MN1: variants seen among roughly 807,000 people sequenced by gnomAD.
MN1 encodes MN1 proto-oncogene, transcriptional regulator.
A neutral mutation model predicts 86.9 loss-of-function variants in MN1; 19 were observed. The observed-to-expected ratio is 0.22, with a 90% confidence interval of 0.15 to 0.32. The LOEUF (loss-of-function observed/expected upper bound fraction) is 0.32. Ranked by LOEUF, MN1 falls within the 10% of genes least tolerant of loss-of-function variation. The pLI is 1.00. For synonymous variants in MN1, 928 were observed against 849.6 expected (o/e 1.09, Z -1.60); for missense variants, 1,841 against 1,862.0 (o/e 0.99, Z 0.21).
At chr22:27,763,971 C>A (rs3819656) in intron 1 of MN1, among the ~76,000 whole-genome samples, 13 of 152,132 alleles carry the variant, frequency 8.5e-5, no homozygotes, top group Admixed American at 8.5e-4. Flanking sequence ...GAGAGGAGCA[C>A]GCCAAACCCA....
intron 1 of MN1, among the ~76,000 whole-genome samples, chr22:27,760,849 G>A (rs958675442): frequency 6.6e-6 from 1 of 152,212 alleles, no homozygotes; most frequent in Non-Finnish European, 1.5e-5. Flanking sequence ...GCAGACCACT[G>A]TCTCTATGCG....
At chr22:27,756,095 C>A (rs1932800522) in intron 1 of MN1, among the ~76,000 whole-genome samples, 1 of 152,212 alleles carries the variant, frequency 6.6e-6, no homozygotes, top group Non-Finnish European at 1.5e-5. Context: ...GTTGGCCAGC[C>A]TGCAGGTGAC....
At chr22:27,753,878 CA>C (rs1459653960) in intron 1 of MN1, among the ~76,000 whole-genome samples, 1 of 152,236 alleles carries the variant, frequency 6.6e-6, no homozygotes, top group East Asian at 1.9e-4. Context: ...TTAATATCTC[CA>C]AAGGAATTTT....
intron 1 of MN1, among the ~76,000 whole-genome samples, chr22:27,758,516 G>A (rs1832084329): frequency 2.6e-5 from 4 of 152,150 alleles, no homozygotes; most frequent in Admixed American, 2.6e-4. Context: ...TCTTGCTCTG[G>A]CAGAGGGGTG....
intron 1 of MN1, chr22:27,791,618 T>C (rs2146312275): frequency 6.6e-6 from 1 of 152,262 alleles, no homozygotes; most frequent in South Asian, 2.1e-4. Flanking sequence ...TTGGTGTTTT[T>C]ATGTTGCGGT....
In MN1 at chr22:27,799,480, T is replaced by G; in HGVS notation, c.1064A>C (p.Gln355Pro). ...CGGCGGCGGCTGCTGCTGTGGCGGC[T>G]GCTGCGGGGGCTGCTGCTGAGGGGG... is the stretch of plus-strand genomic sequence containing the variant. ...PPPPQQQPPQ[Q>P]PPQQQPPPPP... The change falls in exon 1 of 2, where the codon CAG becomes CCG. Residue 355 changes from glutamine (Q) to proline (P), a missense_variant. Transcript: ENST00000302326. 2.1e-6 allele frequency: 3 copies of G among 1,453,642 alleles called. No homozygotes were observed. Among genetic ancestry groups the G allele is most frequent in the South Asian group, 1.5e-5 (1 of 68,130 alleles). The allele number at this position is 1,453,642 out of a possible 1,614,324, so 90.0% of individuals were successfully genotyped here.
chr22:27,788,619 CTT>C (rs202009006), intron 1 of MN1, among the ~76,000 whole-genome samples: 30 of 142,824 alleles, frequency 2.1e-4, no homozygotes, highest in African/African-American at 2.3e-4. Flanking sequence ...AGGGTCATAT[CTT>C]TTTTTTTTTT....
At position 27,798,349 on chromosome 22, in the gene MN1, G is replaced by C; in HGVS notation, c.2195C>G (p.Pro732Arg). ...GAGCGCAGACGTAGCAAAGTCCGGC[G>C]GCGGGGGCCGGCGCTCCGAAGCAGC... Reference protein sequence around the residue: ...PSAASERRPPPPDFATSALGG... With the variant: ...PSAASERRPPRPDFATSALGG... The change falls in exon 1 of 2, where the codon CCG becomes CGG. Residue 732 changes from proline (P) to arginine (R), a missense_variant. By Grantham distance (103) the Pro-to-Arg change is moderately radical (BLOSUM62 -2). Coordinates refer to ENST00000302326, the MANE Select transcript of MN1 (RefSeq NM_002430.3). The C allele has an allele frequency of 7.3e-6, 11 of 1,505,366 alleles. No homozygotes were observed. The highest frequency in any genetic ancestry group is 9.7e-6 in the Non-Finnish European group (11 of 1,136,430). The allele number at this position is 1,505,366 out of a possible 1,614,324, so 93.3% of individuals were successfully genotyped here.
intron 1 of MN1, among the ~76,000 whole-genome samples, chr22:27,759,727 C>T (rs1464174037): frequency 6.6e-6 from 1 of 152,246 alleles, no homozygotes; most frequent in Non-Finnish European, 1.5e-5. Context: ...ACACAGTAGG[C>T]ACCTGATAAG....
In MN1 at chr22:27,748,720, C is replaced by T. The variant is rs569613787; in HGVS notation, c.*2195G>A. On this transcript the variant is annotated 3_prime_UTR_variant, in exon 2 of 2. Coordinates refer to ENST00000302326, the MANE Select transcript of MN1 (RefSeq NM_002430.3). ...TGTTTCATTCTGGGGTCGTGGGGAG[C>T]GAGAAAGTTTTTAAAACTTCAGGGG... is the stretch of plus-strand genomic sequence containing the variant. The T allele has an allele frequency of 5.9e-5, 13 of 218,504 alleles. No homozygotes were observed. The highest frequency in any genetic ancestry group is 7.4e-5 in the Non-Finnish European group (8 of 108,672). The allele number at this position is 218,504 out of a possible 1,614,324, so 13.5% of individuals were successfully genotyped here. A position where few individuals can be genotyped will look rare whatever the true frequency, so the allele number is the denominator to read the frequency against.
chr22:27,766,333 G>A (rs1185240113), intron 1 of MN1, among the ~76,000 whole-genome samples: 3 of 152,114 alleles, frequency 2.0e-5, no homozygotes, highest in Non-Finnish European at 2.9e-5. Flanking sequence ...TTGGCTCTTC[G>A]TGCTCTCACT....
intron 1 of MN1, among the ~76,000 whole-genome samples, chr22:27,788,238 C>G (rs1933164163): frequency 6.6e-6 from 1 of 152,186 alleles, no homozygotes; most frequent in Non-Finnish European, 1.5e-5. Flanking sequence ...ACCCCAATTT[C>G]CATCTAGTCT....
chr22:27,799,614 ATGCTGC>A lies in MN1; in HGVS notation c.924_929del (p.Gln308_Gln309del), dbSNP rs747503495. The A allele has an allele frequency of 1.7e-5, 26 of 1,540,094 alleles. No homozygotes were observed. The Middle Eastern group carries it at 5.1e-4, about 30-fold the overall frequency. Reference sequence around the variant, plus strand: ...CACTGAACCTCTCAAAGAACACACCATGCTGCTGCTGCTGCTGCTGGGGCTGCTGCT... The same window carrying A: ...CACTGAACCTCTCAAAGAACACACCATGCTGCTGCTGCTGGGGCTGCTGCT... On this transcript the variant is annotated inframe_deletion, in exon 1 of 2. Coordinates refer to ENST00000302326, the MANE Select transcript of MN1 (RefSeq NM_002430.3).
At chr22:27,773,529 C>G (rs1932938831) in intron 1 of MN1, among the ~76,000 whole-genome samples, 1 of 152,204 alleles carries the variant, frequency 6.6e-6, no homozygotes, top group Non-Finnish European at 1.5e-5. Flanking sequence ...GTCCTCACCG[C>G]CTCCCTATGC....
intron 1 of MN1, among the ~76,000 whole-genome samples, chr22:27,751,479 G>A (rs1309098668): frequency 6.6e-6 from 1 of 152,160 alleles, no homozygotes; most frequent in Non-Finnish European, 1.5e-5. Context: ...CAAAGGATGT[G>A]TAGGAGTTCG....
chr22:27,786,252 G>A (rs1272063390), intron 1 of MN1, among the ~76,000 whole-genome samples: 2 of 152,224 alleles, frequency 1.3e-5, no homozygotes, highest in East Asian at 3.8e-4. Flanking sequence ...CCCCAAAGAA[G>A]CCAGGCTGAA....
chr22:27,795,051 T>G (rs1285970697), intron 1 of MN1, among the ~76,000 whole-genome samples: 2 of 128,788 alleles, frequency 1.6e-5, no homozygotes, highest in African/African-American at 5.9e-5. Context: ...TGTGTCCAAC[T>G]CGATTTTAAA....
At chr22:27,771,700 G>A (rs990341242) in intron 1 of MN1, among the ~76,000 whole-genome samples, 1 of 152,182 alleles carries the variant, frequency 6.6e-6, no homozygotes, top group Non-Finnish European at 1.5e-5. Context: ...AAAGGGATAG[G>A]TAATTAAGTA....
At chr22:27,789,826 T>C (rs1933187483) in intron 1 of MN1, among the ~76,000 whole-genome samples, 1 of 152,266 alleles carries the variant, frequency 6.6e-6, no homozygotes, top group Non-Finnish European at 1.5e-5. Flanking sequence ...AAGTTCTCTC[T>C]GCTCCGGCTT....
Sources: gnomAD v4.1 joint callset for allele counts (sites outside exome capture counted in the v4.1 genomes callset) on GRCh38, gnomAD v4.1.1 for gene constraint, MANE v1.5 for transcripts, NCBI Gene and HGNC (gene_info 2026-07-23, HGNC 2026-07-21) for gene names.